Variants in ADAM7 observed in about 807,000 individuals in gnomAD.
ADAM7 encodes the protein ADAM metallopeptidase domain 7.
A neutral mutation model predicts 102.9 loss-of-function variants in ADAM7; 97 were observed. That is an observed-to-expected ratio of 0.94 (90% confidence interval 0.80 to 1.12). The LOEUF (loss-of-function observed/expected upper bound fraction) is 1.12, where lower values mean the gene tolerates loss of function less well. ADAM7 is among the 50% of genes most tolerant of loss of function. The probability of loss-of-function intolerance (pLI) is 0.00; values close to 1 mark genes in which losing one functional copy is unlikely to be tolerated. For missense variants in ADAM7, 991 were observed against 908.7 expected, an observed-to-expected ratio of 1.09 and a Z score of -1.16; for synonymous variants, 334 against 304.4, an observed-to-expected ratio of 1.10 and a Z score of -1.01.
intron 10 of ADAM7, among the ~76,000 whole-genome samples, chr8:24,485,953 C>A (rs955976294): frequency 2.6e-5 from 4 of 151,998 alleles, no homozygotes; most frequent in Admixed American, 2.6e-4. Flanking sequence ...TGTGCCTTGT[C>A]TGGTATTAAG....
chr8:24,450,015 G>C (rs2129374627), intron 3 of ADAM7, among the ~76,000 whole-genome samples: 1 of 152,236 alleles, frequency 6.6e-6, no homozygotes, highest in Non-Finnish European at 1.5e-5. Context: ...CTATATCTCT[G>C]TTTTGGTATG....
intron 20 of ADAM7, among the ~76,000 whole-genome samples, chr8:24,505,371 T>C (rs1820915607): frequency 6.6e-6 from 1 of 152,188 alleles, no homozygotes; most frequent in Non-Finnish European, 1.5e-5. Flanking sequence ...AATAAATATC[T>C]GTTGAATATG....
chr8:24,454,537 T>C (rs1233888213), intron 3 of ADAM7, among the ~76,000 whole-genome samples: 1 of 152,142 alleles, frequency 6.6e-6, no homozygotes, highest in Middle Eastern at 3.2e-3. Flanking sequence ...AGTGACCCGA[T>C]TTTGCAGGTG....
At chr8:24,465,031 C>T (rs746003066) in intron 4 of ADAM7, among the ~76,000 whole-genome samples, 10 of 152,172 alleles carry the variant, frequency 6.6e-5, no homozygotes, top group African/African-American at 9.7e-5. Context: ...GTGATCCACC[C>T]GCCTTGGCCT....
At chr8:24,482,005 A>G (rs1258104116) in intron 8 of ADAM7, 137 bp from the exon 9 acceptor site, 1 of 572,048 alleles carries the variant, frequency 1.7e-6, no homozygotes, top group African/African-American at 2.0e-5. Context: ...TGTTTGCAAC[A>G]TGAGGCTTGC....
Position 24,485,289 on chromosome 8 carries a change from C to T in ADAM7, c.888C>T (p.Leu296=). 1 of 1,613,318 alleles carries T rather than the reference C, an allele frequency of 6.2e-7. No homozygotes were observed. Among genetic ancestry groups the T allele is most frequent in the Non-Finnish European group, 8.5e-7 (1 of 1,179,568 alleles). ...DHVVLLSGKW[L]YSHVQGISYP... ...ATCTTTTTCATAGTGGGAAGTGGCT[C>T]TACTCACATGTGCAAGGAATTTCTT... Residue 296 remains leucine, a synonymous_variant, in exon 10 of 22, where the codon CTC becomes CTT. Coordinates refer to ENST00000175238, the MANE Select transcript of ADAM7 (RefSeq NM_003817.4).
At chr8:24,505,847 G>T (rs2129398227) in intron 20 of ADAM7, among the ~76,000 whole-genome samples, 1 of 152,218 alleles carries the variant, frequency 6.6e-6, no homozygotes, top group South Asian at 2.1e-4. Flanking sequence ...GCTGGTTAGG[G>T]AATTTCAGGC....
chr8:24,460,871 T>G (rs1344696877), intron 3 of ADAM7, among the ~76,000 whole-genome samples: 1 of 139,140 alleles, frequency 7.2e-6, no homozygotes, highest in Non-Finnish European at 1.6e-5. Flanking sequence ...ATTTATCACT[T>G]CTTATCTCTC....
chr8:24,500,733 A>G (rs1048252423), intron 18 of ADAM7, 57 bp from the exon 19 acceptor site: 11 of 1,390,564 alleles, frequency 7.9e-6, no homozygotes, highest in Non-Finnish European at 1.1e-5. Flanking sequence ...AAATGTTAAT[A>G]TTCCACTGTT....
At chr8:24,476,582 T>A (rs759469139) in intron 8 of ADAM7, 78 bp downstream of exon 8, 2 of 1,139,220 alleles carry the variant, frequency 1.8e-6, no homozygotes, top group African/African-American at 3.1e-5. Context: ...TCTGCTGGAC[T>A]ATTGTAGTTA....
Position 24,489,205 on chromosome 8 carries a change from C to A in ADAM7, c.1138C>A (p.Gln380Lys). 1 of 1,613,106 alleles carries A rather than the reference C, an allele frequency of 6.2e-7. No individual in the cohort carries two copies. ...TAAATGCAGCCAAAACCAATACCAC[C>A]AGTACTTGAAGGATTATAAGCCAAC... ...FSKCSQNQYH[Q>K]YLKDYKPTCM... The change falls in exon 12 of 22, where the codon CAG (glutamine) becomes AAG (lysine). Residue 380 changes from glutamine (Q) to lysine (K), a missense_variant. Coordinates refer to ENST00000175238, the MANE Select transcript of ADAM7 (RefSeq NM_003817.4).
chr8:24,466,285 G>C (rs1057323112), intron 5 of ADAM7, among the ~76,000 whole-genome samples: 2 of 152,174 alleles, frequency 1.3e-5, no homozygotes, highest in Non-Finnish European at 2.9e-5. Context: ...TAGGCTCATG[G>C]ACAAAGAAAG....
In ADAM7 at chr8:24,446,682, G is replaced by A. The variant is rs143728437; in HGVS notation, c.157-504G>A. Among the ~76,000 whole-genome samples, 888 of 151,766 alleles carry A rather than the reference G, an allele frequency of 5.9e-3. 5 individuals are homozygous for A. Among genetic ancestry groups the A allele is most frequent in the Middle Eastern group, 0.014 (4 of 288 alleles). On this transcript the variant is annotated intron_variant, in intron 2 of 21. Transcript: ENST00000175238. Reference sequence around the variant, plus strand: ...ATTTATCATTGAGTGCAAAGTAGACGAAAAAACAGTATGTATAAAAATCGC... The same window carrying A: ...ATTTATCATTGAGTGCAAAGTAGACAAAAAAACAGTATGTATAAAAATCGC...
In ADAM7 at chr8:24,468,868, T is replaced by C. The variant is rs1309351909; in HGVS notation, c.633+48T>C. 8 of 1,513,918 alleles carry C rather than the reference T, an allele frequency of 5.3e-6. 1 individual carries two copies. In the Middle Eastern group the frequency reaches 6.8e-4, roughly 129 times the overall value. The allele number at this position is 1,513,918 out of a possible 1,614,324, so 93.8% of individuals were successfully genotyped here. A position where few individuals can be genotyped will look rare whatever the true frequency, so the allele number is the denominator to read the frequency against. On this transcript the variant is annotated intron_variant, in intron 7 of 21. Transcript: ENST00000175238. Reference sequence around the variant, plus strand: ...CTCTCTTTATTCTTCCTTTTGGAACTTGTAGTTATCATTCTAGCATAGAGA... The same window carrying C: ...CTCTCTTTATTCTTCCTTTTGGAACCTGTAGTTATCATTCTAGCATAGAGA...
chr8:24,457,430 C>G (rs965820469), intron 3 of ADAM7, among the ~76,000 whole-genome samples: 3 of 152,106 alleles, frequency 2.0e-5, no homozygotes, highest in African/African-American at 4.8e-5. Context: ...CATCCACCAC[C>G]ATGACTGGCA....
At chr8:24,464,409 T>C (rs1819355376) in intron 4 of ADAM7, among the ~76,000 whole-genome samples, 1 of 152,182 alleles carries the variant, frequency 6.6e-6, no homozygotes. Context: ...TTTTCTTCAA[T>C]CCTCAAATGA....
chr8:24,450,793 G>A (rs374070498), intron 3 of ADAM7, among the ~76,000 whole-genome samples: 2,961 of 151,788 alleles, frequency 0.02, 106 homozygotes, highest in African/African-American at 0.069. Context: ...GGTTTGTCAT[G>A]GATAGCTCTT....
intron 3 of ADAM7, among the ~76,000 whole-genome samples, chr8:24,454,748 G>A (rs952239944): frequency 1.1e-4 from 16 of 152,126 alleles, no homozygotes; most frequent in African/African-American, 2.4e-4. Context: ...CTTCTGCATC[G>A]CTCACGCTGG....
intron 11 of ADAM7, among the ~76,000 whole-genome samples, 163 bp from the exon 12 acceptor site, chr8:24,488,996 T>G (rs1008587537): frequency 6.6e-6 from 1 of 152,200 alleles, no homozygotes; most frequent in Non-Finnish European, 1.5e-5. Context: ...GTTTGCTGTG[T>G]TTTGAAAAGA....
Sources: allele counts gnomAD v4.1 joint callset (sites outside exome capture counted in the v4.1 genomes callset), GRCh38; gene constraint gnomAD v4.1.1; transcripts MANE v1.5; gene names NCBI Gene and HGNC (gene_info 2026-07-23, HGNC 2026-07-21).